Variants in NCKAP5 observed in about 807,000 individuals in gnomAD.
NCKAP5 encodes the protein nck-associated protein 5.
Under a neutral mutation model 167.0 loss-of-function variants are expected in NCKAP5, and 92 were observed. The observed-to-expected ratio is 0.55, with a 90% CI of 0.47 to 0.66. The LOEUF is 0.66. Among genes scored for constraint, NCKAP5 ranks in the 30% least tolerant of loss-of-function variants. The pLI is 0.00. For missense variants in NCKAP5, 2,378 were observed against 2,315.0 expected (o/e 1.03, Z -0.56); for synonymous variants, 891 against 877.4 (o/e 1.02, Z -0.27).
intron 6 of NCKAP5, among the ~76,000 whole-genome samples, chr2:132,999,729 C>T (rs923201982): frequency 2.6e-5 from 4 of 152,142 alleles, no homozygotes; most frequent in Non-Finnish European, 5.9e-5. Flanking sequence ...TGGGCTTTTT[C>T]ACATGCTTTC....
chr2:133,024,917 C>T (rs1390286942), intron 6 of NCKAP5, among the ~76,000 whole-genome samples: 1 of 152,156 alleles, frequency 6.6e-6, no homozygotes, highest in East Asian at 1.9e-4. Context: ...CACACATCTT[C>T]CAGGAGTGAT....
intron 11 of NCKAP5, among the ~76,000 whole-genome samples, chr2:132,839,757 CAA>C (rs59000613): frequency 0.053 from 3,360 of 62,912 alleles, 57 homozygotes; most frequent in East Asian, 0.16. Context: ...GACCTTGTCT[CAA>C]AAAAAAAAAA....
At chr2:132,682,669 G>A (rs1038071212) in intron 19 of NCKAP5, among the ~76,000 whole-genome samples, 11 of 152,250 alleles carry the variant, frequency 7.2e-5, no homozygotes, top group Non-Finnish European at 8.8e-5. Context: ...GTCAAATTCA[G>A]AGTTATGGAT....
At chr2:133,389,681 T>C (rs567421302) in intron 3 of NCKAP5, among the ~76,000 whole-genome samples, 109 of 152,370 alleles carry the variant, frequency 7.2e-4, no homozygotes, top group Middle Eastern at 3.4e-3. Flanking sequence ...AGTGTTTTCA[T>C]GGTAGTTAAA....
intron 4 of NCKAP5, among the ~76,000 whole-genome samples, chr2:133,233,566 T>G (rs2087251937): frequency 6.6e-6 from 1 of 152,208 alleles, no homozygotes; most frequent in Admixed American, 6.5e-5. Flanking sequence ...TTCATATACA[T>G]TATATGTATA....
chr2:133,103,643 TTGAC>T (rs2081589613), intron 6 of NCKAP5, among the ~76,000 whole-genome samples: 1 of 152,038 alleles, frequency 6.6e-6, no homozygotes, highest in African/African-American at 2.4e-5. Flanking sequence ...AGTTAAAAAA[TTGAC>T]TGGGCGTGGT....
At chr2:132,792,349 G>A (rs79776042) in intron 12 of NCKAP5, among the ~76,000 whole-genome samples, 3,727 of 152,222 alleles carry the variant, frequency 0.024, 168 homozygotes, top group African/African-American at 0.086. Context: ...ATTGCCGGAC[G>A]TAACTTAGTT....
chr2:133,152,866 A>G (rs1385168202), intron 5 of NCKAP5, among the ~76,000 whole-genome samples: 1 of 152,208 alleles, frequency 6.6e-6, no homozygotes, highest in Non-Finnish European at 1.5e-5. Flanking sequence ...TATGATATTC[A>G]GTACAGTAAT....
intron 17 of NCKAP5, among the ~76,000 whole-genome samples, chr2:132,730,458 G>C (rs1359437581): frequency 6.6e-6 from 1 of 152,186 alleles, no homozygotes; most frequent in Non-Finnish European, 1.5e-5. Flanking sequence ...TTGCACCATT[G>C]CACTCCAGCC....
intron 19 of NCKAP5, among the ~76,000 whole-genome samples, chr2:132,713,066 T>C (rs140963772): frequency 6.6e-6 from 1 of 152,146 alleles, no homozygotes; most frequent in African/African-American, 2.4e-5. Context: ...CAAAACAAGA[T>C]GCAGGATAGT....
At chr2:133,194,260 T>C (rs1386772745) in intron 5 of NCKAP5, among the ~76,000 whole-genome samples, 1 of 152,078 alleles carries the variant, frequency 6.6e-6, no homozygotes, top group African/African-American at 2.4e-5. Flanking sequence ...CTGGTGTATT[T>C]CAGTTTACAC....
intron 4 of NCKAP5, 72 bp downstream of exon 4, chr2:133,302,965 A>T: frequency 9.5e-7 from 1 of 1,054,458 alleles, no homozygotes; most frequent in East Asian, 2.6e-5. Flanking sequence ...AGTCTAACTG[A>T]AATATTTTAG....
chr2:133,461,911 G>GCTGC (rs10696301), intron 3 of NCKAP5, among the ~76,000 whole-genome samples: 1 of 152,172 alleles, frequency 6.6e-6, no homozygotes. Flanking sequence ...GTCTGACTCT[G>GCTGC]CTATTTCTTC....
At chr2:133,088,994 A>G (rs13410325) in intron 6 of NCKAP5, among the ~76,000 whole-genome samples, 1 of 152,030 alleles carries the variant, frequency 6.6e-6, no homozygotes, top group African/African-American at 2.4e-5. Flanking sequence ...ATAGAGGGAA[A>G]CCACCTTAAA....
intron 19 of NCKAP5, among the ~76,000 whole-genome samples, chr2:132,697,231 T>TCCAGATTAAAA (rs1687426050): frequency 4.6e-5 from 7 of 152,222 alleles, no homozygotes; most frequent in Non-Finnish European, 7.3e-5. Context: ...AGCAGTCACC[T>TCCAGATTAAAA]TGGAGGAGCT....
intron 3 of NCKAP5, among the ~76,000 whole-genome samples, chr2:133,351,384 C>G (rs549544536): frequency 1.7e-4 from 26 of 151,918 alleles, no homozygotes; most frequent in African/African-American, 6.3e-4. Flanking sequence ...AATATAACTT[C>G]TTTGAGCCTT....
At chr2:132,943,133 A>T (rs1393437542) in intron 8 of NCKAP5, among the ~76,000 whole-genome samples, 1 of 152,262 alleles carries the variant, frequency 6.6e-6, no homozygotes, top group Non-Finnish European at 1.5e-5. Flanking sequence ...ATGTTAAAGC[A>T]CAACATCTTA....
intron 3 of NCKAP5, among the ~76,000 whole-genome samples, chr2:133,484,345 T>C (rs964317303): frequency 2.0e-5 from 3 of 152,088 alleles, no homozygotes; most frequent in Non-Finnish European, 4.4e-5. Context: ...GCAGAGAGAG[T>C]CCACTGCTGG....
chr2:133,193,713 G>A (rs918820618), intron 5 of NCKAP5, among the ~76,000 whole-genome samples: 1 of 152,008 alleles, frequency 6.6e-6, no homozygotes, highest in African/African-American at 2.4e-5. Flanking sequence ...AAGCTCTGAG[G>A]AGTCTTGGTG....
Sources: allele counts gnomAD v4.1 joint callset (sites outside exome capture counted in the v4.1 genomes callset), GRCh38; gene constraint gnomAD v4.1.1; transcripts MANE v1.5; gene names NCBI Gene and HGNC (gene_info 2026-07-23, HGNC 2026-07-21).